The following CNTN5 variants were observed in gnomAD, a reference collection of about 807,000 sequenced individuals.
CNTN5 encodes contactin-5.
Under a neutral mutation model 129.1 loss-of-function variants are expected in CNTN5, and 77 were observed. That is an observed-to-expected ratio of 0.60 (90% confidence interval 0.50 to 0.72). CNTN5 has a LOEUF of 0.72. Ranked by LOEUF, CNTN5 falls within the 30% of genes least tolerant of loss-of-function variation. The probability of loss-of-function intolerance (pLI) is 0.00; values close to 1 mark genes in which losing one functional copy is unlikely to be tolerated. For missense variants in CNTN5, 1,478 were observed against 1,328.8 expected (o/e 1.11, Z -1.75); for synonymous variants, 509 against 465.6 (o/e 1.09, Z -1.20).
intron 3 of CNTN5, among the ~76,000 whole-genome samples, chr11:99,807,356 T>C (rs1219316795): frequency 6.6e-6 from 1 of 152,166 alleles, no homozygotes; most frequent in African/African-American, 2.4e-5. Context: ...GTCACAAAGA[T>C]TTATGTACAG....
chr11:99,823,212 A>G (rs1332836319), intron 4 of CNTN5, among the ~76,000 whole-genome samples: 7 of 152,184 alleles, frequency 4.6e-5, no homozygotes, highest in Non-Finnish European at 1.0e-4. Flanking sequence ...ATCTTTGTTC[A>G]TTTTCTGGGT....
chr11:99,994,375 G>T (rs1939315378), intron 8 of CNTN5, among the ~76,000 whole-genome samples: 1 of 152,054 alleles, frequency 6.6e-6, no homozygotes, highest in South Asian at 2.1e-4. Flanking sequence ...ATAAAAGTGG[G>T]TTCTACAAAT....
intron 1 of CNTN5, among the ~76,000 whole-genome samples, chr11:99,086,122 T>C (rs1336240680): frequency 6.6e-6 from 1 of 152,220 alleles, no homozygotes; most frequent in Non-Finnish European, 1.5e-5. Flanking sequence ...TATTTTATAA[T>C]AATTTGTATT....
intron 13 of CNTN5, among the ~76,000 whole-genome samples, chr11:100,158,506 G>A (rs1449866986): frequency 6.6e-6 from 1 of 151,704 alleles, no homozygotes; most frequent in Non-Finnish European, 1.5e-5. Flanking sequence ...TCACAATAAA[G>A]CTGGGAAAAA....
chr11:99,183,999 TTC>T (rs1422957425), intron 1 of CNTN5, among the ~76,000 whole-genome samples: 2 of 152,112 alleles, frequency 1.3e-5, no homozygotes, highest in Admixed American at 6.6e-5. Flanking sequence ...TATCTGATAT[TTC>T]TTGAACCTGT....
At chr11:100,021,345 T>G (rs1941133193) in intron 9 of CNTN5, among the ~76,000 whole-genome samples, 1 of 152,168 alleles carries the variant, frequency 6.6e-6, no homozygotes, top group South Asian at 2.1e-4. Context: ...TTGAATGTGT[T>G]GCTCAAATCT....
chr11:99,389,701 C>T (rs182096993), intron 2 of CNTN5, among the ~76,000 whole-genome samples: 1 of 152,156 alleles, frequency 6.6e-6, no homozygotes, highest in African/African-American at 2.4e-5. Flanking sequence ...GAATGACTAA[C>T]AGAATTATAA....
intron 4 of CNTN5, among the ~76,000 whole-genome samples, chr11:99,837,308 T>C (rs1947337702): frequency 6.6e-6 from 1 of 152,222 alleles, no homozygotes; most frequent in African/African-American, 2.4e-5. Context: ...CTCTGGACAC[T>C]ATAACAAATT....
chr11:99,577,377 T>C (rs905976469), intron 3 of CNTN5, among the ~76,000 whole-genome samples: 4 of 152,104 alleles, frequency 2.6e-5, no homozygotes, highest in Non-Finnish European at 5.9e-5. Context: ...TTTAGGAAAA[T>C]AAATTGAGAG....
intron 3 of CNTN5, among the ~76,000 whole-genome samples, chr11:99,727,675 G>GA (rs1943398369): frequency 6.6e-6 from 1 of 151,822 alleles, no homozygotes; most frequent in South Asian, 2.1e-4. Flanking sequence ...AACAGCTGTG[G>GA]AAAAAAATGA....
intron 10 of CNTN5, among the ~76,000 whole-genome samples, chr11:100,066,832 C>T (rs74971591): frequency 1.6e-5 from 1 of 61,870 alleles, no homozygotes; most frequent in Admixed American, 1.4e-4. Flanking sequence ...CAGTCCTCTG[C>T]CAAAAAAAAA....
intron 17 of CNTN5, among the ~76,000 whole-genome samples, chr11:100,257,619 C>T (rs180800064): frequency 6.6e-6 from 1 of 152,270 alleles, no homozygotes; most frequent in Admixed American, 6.5e-5. Flanking sequence ...CTGTCCTGCA[C>T]CCTCTGCTGG....
At chr11:100,238,719 T>A (rs138764947) in intron 16 of CNTN5, among the ~76,000 whole-genome samples, 2 of 152,296 alleles carry the variant, frequency 1.3e-5, no homozygotes, top group East Asian at 3.9e-4. Context: ...CTAGGAAGAA[T>A]TTCCATGTCC....
chr11:99,196,227 TAAA>T lies in CNTN5; in HGVS notation c.-209-129118_-209-129116del, dbSNP rs201038180. The stretch of plus-strand genomic sequence containing the variant: ...CAATCTGTTAACTATAAATTTCAAA[TAAA>T]GAAATATATATGAACCTTATATTTG... On this transcript the variant is annotated intron_variant, in intron 1 of 24. Coordinates refer to ENST00000524871, the MANE Select transcript of CNTN5 (RefSeq NM_014361.4). 5.1e-3 allele frequency among the ~76,000 whole-genome samples: 768 copies of T among 152,028 alleles called. 3 individuals are homozygous for T. The highest frequency in any genetic ancestry group is 0.018 in the African/African-American group (737 of 41,554).
At chr11:99,421,306 T>A (rs1036203550) in intron 2 of CNTN5, among the ~76,000 whole-genome samples, 1 of 152,116 alleles carries the variant, frequency 6.6e-6, no homozygotes, top group Non-Finnish European at 1.5e-5. Flanking sequence ...AGATAACTTC[T>A]ACTAGTGAAG....
chr11:99,061,571 A>AT (rs1864880396), intron 1 of CNTN5, among the ~76,000 whole-genome samples: 1 of 152,164 alleles, frequency 6.6e-6, no homozygotes, highest in Non-Finnish European at 1.5e-5. Flanking sequence ...CTTAGCCAAG[A>AT]TAAAAAATAA....
intron 1 of CNTN5, among the ~76,000 whole-genome samples, chr11:99,288,740 T>G (rs777168259): frequency 1.3e-5 from 2 of 151,910 alleles, no homozygotes; most frequent in Admixed American, 6.6e-5. Flanking sequence ...AAAGGCTCTA[T>G]GAAAACAAAT....
intron 13 of CNTN5, among the ~76,000 whole-genome samples, chr11:100,150,923 A>C (rs1329092717): frequency 6.6e-6 from 1 of 152,090 alleles, no homozygotes; most frequent in African/African-American, 2.4e-5. Context: ...GGACCCCATG[A>C]AGGAATTAGT....
intron 13 of CNTN5, among the ~76,000 whole-genome samples, chr11:100,145,016 C>A (rs1946805855): frequency 6.6e-6 from 1 of 151,906 alleles, no homozygotes; most frequent in Non-Finnish European, 1.5e-5. Flanking sequence ...AATTAGAGAC[C>A]TTTCCATTGG....
Sources: allele counts gnomAD v4.1 joint callset (sites outside exome capture counted in the v4.1 genomes callset), GRCh38; gene constraint gnomAD v4.1.1; transcripts MANE v1.5; gene names NCBI Gene and HGNC (gene_info 2026-07-23, HGNC 2026-07-21).